ADCY3: variants seen among roughly 807,000 people sequenced by gnomAD.
ADCY3 encodes the protein adenylate cyclase type 3.
In ADCY3, 70 loss-of-function variants were observed where a neutral mutation model predicts 119.4. That is an observed-to-expected ratio of 0.59 (90% confidence interval 0.48 to 0.72). The LOEUF is 0.72. Among genes scored for constraint, ADCY3 ranks in the 30% least tolerant of loss-of-function variants. The pLI is 0.00. For missense variants in ADCY3, 1,238 were observed against 1,541.6 expected (o/e 0.80, Z 3.30); for synonymous variants, 672 against 621.4 (o/e 1.08, Z -1.21).
In ADCY3 at chr2:24,830,816, T is replaced by C. The variant is rs759679816; in HGVS notation, c.2065A>G (p.Lys689Glu). 1.2e-6 allele frequency: 2 copies of C among 1,613,744 alleles called. No homozygotes were observed. The stretch of plus-strand genomic sequence containing the variant: ...CAAGTTGAGAAGGCCACAAGCTTCT[T>C]AGGAAAGGCCTAGAAGGAACAGAAT... ...LAAIFPRAFPKKLVAFSTWID... is the reference protein window; with the variant it reads ...LAAIFPRAFPEKLVAFSTWID... Residue 689 changes from lysine to glutamate, a missense_variant, in exon 13 of 22, where the codon AAG (lysine) becomes GAG (glutamate). Physicochemically the swap from Lys to Glu is moderately conservative, Grantham distance 56 (BLOSUM62 1). Transcript: ENST00000679454.
intron 2 of ADCY3, among the ~76,000 whole-genome samples, chr2:24,904,217 T>C (rs886884982): frequency 2.6e-5 from 4 of 151,716 alleles, no homozygotes; most frequent in Admixed American, 6.6e-5. Context: ...AGAGAGAAAT[T>C]TGGATCAAAA....
chr2:24,840,515 G>GGGC, intron 6 of ADCY3: 1 of 464,552 alleles, frequency 2.2e-6, no homozygotes, highest in Non-Finnish European at 4.5e-6. Context: ...AATACTAGAC[G>GGGC]GGCTTTAACC....
intron 2 of ADCY3, among the ~76,000 whole-genome samples, chr2:24,893,883 C>T (rs1573011280): frequency 6.6e-6 from 1 of 152,116 alleles, no homozygotes; most frequent in Non-Finnish European, 1.5e-5. Flanking sequence ...GGATTACAAG[C>T]GTGAGCCACT....
Position 24,841,182 on chromosome 2 carries a change from G to T in ADCY3, c.1196+77C>A. 6.9e-7 allele frequency: 1 copy of T among 1,457,048 alleles called. No homozygotes were observed. The allele number at this position is 1,457,048 out of a possible 1,614,324, so 90.3% of individuals were successfully genotyped here. On this transcript the variant is annotated intron_variant, in intron 6 of 21. Coordinates refer to ENST00000679454, the MANE Select transcript of ADCY3 (RefSeq NM_004036.5). This position sits in a 1 kb window ranked among gnomAD's most constrained non-coding sequence, Gnocchi z 5.8. ...CCCACCCAGGGGCCATGGCCAGCGC[G>T]GAAGACCTGCTTCTCCCTGGGTCCA...
At chr2:24,857,589 C>A (rs1673161079) in intron 3 of ADCY3, among the ~76,000 whole-genome samples, 1 of 152,164 alleles carries the variant, frequency 6.6e-6, no homozygotes, top group African/African-American at 2.4e-5. Context: ...AAGTGGCTAC[C>A]ATACTGCTAC....
intron 3 of ADCY3, among the ~76,000 whole-genome samples, chr2:24,861,898 A>C (rs1355974616): frequency 6.6e-6 from 1 of 151,762 alleles, no homozygotes; most frequent in Non-Finnish European, 1.5e-5. Context: ...TGGTTTTTAG[A>C]CTCCCCTCTG....
At chr2:24,888,032 G>C (rs1572997281) in intron 2 of ADCY3, among the ~76,000 whole-genome samples, 1 of 152,146 alleles carries the variant, frequency 6.6e-6, no homozygotes, top group African/African-American at 2.4e-5. Flanking sequence ...TGTGTCAATG[G>C]TCCCCAAATT....
At chr2:24,916,142 C>T (rs1038170213) in intron 2 of ADCY3, among the ~76,000 whole-genome samples, 2 of 152,224 alleles carry the variant, frequency 1.3e-5, no homozygotes, top group Admixed American at 6.5e-5. Flanking sequence ...TTCTTGATTT[C>T]TATCTTTTTT....
intron 2 of ADCY3, among the ~76,000 whole-genome samples, chr2:24,873,014 C>T (rs576332052): frequency 5.3e-5 from 8 of 152,224 alleles, no homozygotes; most frequent in Non-Finnish European, 1.0e-4. Flanking sequence ...TGTGGATCCC[C>T]CCTCCGGCTT....
At chr2:24,853,418 T>C (rs1446409222) in intron 3 of ADCY3, among the ~76,000 whole-genome samples, 2 of 151,968 alleles carry the variant, frequency 1.3e-5, no homozygotes, top group East Asian at 1.9e-4. Flanking sequence ...TCCTTTTTTA[T>C]TGTTACAATT....
In ADCY3 at chr2:24,841,480, G is replaced by T; in HGVS notation, c.1068+76C>A. On this transcript the variant is annotated intron_variant, in intron 5 of 21. Transcript: ENST00000679454. This position sits in a 1 kb window ranked among gnomAD's most constrained non-coding sequence, Gnocchi z 5.8. ...AGGAAGGACAGTGGGAGAAAATCAT[G>T]GGGCCGGGGATGGGGGCCAGGCAGA... 1 of 1,589,090 alleles carries T rather than the reference G, an allele frequency of 6.3e-7. No homozygotes were observed. Among genetic ancestry groups the T allele is most frequent in the Non-Finnish European group, 8.6e-7 (1 of 1,165,408 alleles).
At chr2:24,870,212 T>C (rs1431959264) in intron 3 of ADCY3, among the ~76,000 whole-genome samples, 2 of 149,786 alleles carry the variant, frequency 1.3e-5, no homozygotes, top group African/African-American at 2.5e-5. Flanking sequence ...TCCCAGCTAC[T>C]TGGGAAGCTG....
chr2:24,865,998 G>A (rs1419311472), intron 3 of ADCY3, among the ~76,000 whole-genome samples: 1 of 152,180 alleles, frequency 6.6e-6, no homozygotes, highest in Non-Finnish European at 1.5e-5. Flanking sequence ...GAGGGGCTAA[G>A]ACCCCGGGGA....
chr2:24,904,691 G>T (rs1679274849), intron 2 of ADCY3, among the ~76,000 whole-genome samples: 1 of 151,876 alleles, frequency 6.6e-6, no homozygotes, highest in African/African-American at 2.4e-5. Context: ...GCCCAGGCTG[G>T]AATGCAGTGG....
In ADCY3 at chr2:24,831,676, C is replaced by T; in HGVS notation, c.2041G>A (p.Ala681Thr). The T allele has an allele frequency of 6.2e-7, 1 of 1,613,996 alleles. No individual in the cohort carries two copies. The highest frequency in any genetic ancestry group is 1.3e-5 in the African/African-American group (1 of 75,060). The change falls in exon 12 of 22, where the codon GCC becomes ACC. Residue 681 changes from alanine to threonine, a missense_variant. Physicochemically the swap from Ala to Thr is moderately conservative, Grantham distance 58. Coordinates refer to ENST00000679454, the MANE Select transcript of ADCY3 (RefSeq NM_004036.5). ...LLILTICSLAAIFPRAFPKKL... is the reference protein window; with the variant it reads ...LLILTICSLATIFPRAFPKKL... ...GTGCCTCTTACCCGGGGAAAGATGG[C>T]AGCCAGGGAGCAGATGGTCAGGATG...
intron 2 of ADCY3, among the ~76,000 whole-genome samples, chr2:24,914,956 C>A (rs1163241036): frequency 6.6e-6 from 1 of 152,176 alleles, no homozygotes; most frequent in Non-Finnish European, 1.5e-5. Context: ...AGAACCCCAC[C>A]CACTGGCCTC....
chr2:24,831,973 C>T lies in ADCY3; in HGVS notation c.1968-224G>A, dbSNP rs1420313776. 1.4e-4 allele frequency among the ~76,000 whole-genome samples: 12 copies of T among 85,868 alleles called. 1 individual carries two copies. The East Asian group carries it at 4.2e-3, about 30-fold the overall frequency. The allele number at this position is 85,868 out of a possible 152,430, so 56.3% of individuals were successfully genotyped here. A position where few individuals can be genotyped will look rare whatever the true frequency, so the allele number is the denominator to read the frequency against. ...GACAGGGGCAGGGGCCAGGGGGCAG[C>T]GGACAGGGACTGGGGGCAGGGGCCG... On this transcript the variant is annotated intron_variant, in intron 11 of 21. Transcript: ENST00000679454.
At chr2:24,838,813 C>A in intron 7 of ADCY3, 191 bp from the exon 8 acceptor site, 1 of 1,608,160 alleles carries the variant, frequency 6.2e-7, no homozygotes, top group South Asian at 1.1e-5. Context: ...CTGTGTGGGC[C>A]GCTAACTAGC....
chr2:24,891,075 G>A (rs932003947), intron 2 of ADCY3, among the ~76,000 whole-genome samples: 1 of 151,950 alleles, frequency 6.6e-6, no homozygotes, highest in Non-Finnish European at 1.5e-5. Context: ...TCGCCATGTT[G>A]GCCAGGCTGG....
Sources: allele counts gnomAD v4.1 joint callset (sites outside exome capture counted in the v4.1 genomes callset), GRCh38; gene constraint gnomAD v4.1.1; non-coding constraint Gnocchi (gnomAD v3.1); transcripts MANE v1.5; gene names NCBI Gene and HGNC (gene_info 2026-07-23, HGNC 2026-07-21).